TP63: variants seen among roughly 807,000 people sequenced by gnomAD.
The protein encoded by TP63 is tumor protein p63.
Under a neutral mutation model 82.8 loss-of-function variants are expected in TP63, and 17 were observed. That is an observed-to-expected ratio of 0.21 (90% CI 0.14 to 0.31). TP63 has a LOEUF of 0.31. Ranked by LOEUF, TP63 falls within the 10% of genes least tolerant of loss-of-function variation. The probability of loss-of-function intolerance (pLI) is 1.00; values close to 1 mark genes in which losing one functional copy is unlikely to be tolerated. For synonymous variants in TP63, 330 were observed against 321.7 expected (o/e 1.03, Z -0.28); for missense variants, 648 against 895.3 (o/e 0.72, Z 3.52).
chr3:189,800,490 G>GA lies in TP63; in HGVS notation c.325-7773dup, dbSNP rs1300826682. Among the ~76,000 whole-genome samples the GA allele has an allele frequency of 8.7e-4, 118 of 135,060 alleles. No individual in the cohort carries two copies. In the Middle Eastern group the frequency reaches 0.026, roughly 29 times the overall value. The allele number at this position is 135,060 out of a possible 152,430, so 88.6% of individuals were successfully genotyped here. ...CTTTAATGAGTAAAAAAAAAAAAAA[G>GA]AAAAAAAAAGCAAATAAAAGAGGTG... On this transcript the variant is annotated intron_variant, in intron 3 of 13. Coordinates refer to ENST00000264731, the MANE Select transcript of TP63 (RefSeq NM_003722.5).
chr3:189,826,217 G>C (rs1056289079), intron 4 of TP63, among the ~76,000 whole-genome samples: 3 of 152,154 alleles, frequency 2.0e-5, no homozygotes, highest in Non-Finnish European at 4.4e-5. Context: ...CTAAGGCAAG[G>C]ACAAATGTTA....
intron 3 of TP63, among the ~76,000 whole-genome samples, chr3:189,793,065 T>C (rs1725323407): frequency 6.6e-6 from 1 of 152,068 alleles, no homozygotes; most frequent in Non-Finnish European, 1.5e-5. Flanking sequence ...AAGCTGCATT[T>C]TTAATTAGTG....
intron 1 of TP63, among the ~76,000 whole-genome samples, chr3:189,654,014 C>A (rs1224443226): frequency 2.6e-5 from 4 of 152,076 alleles, no homozygotes; most frequent in African/African-American, 7.2e-5. Flanking sequence ...TTTAAAGATT[C>A]AAATAATGAC....
At chr3:189,600,806 T>C in the TP63 span, among the ~76,000 whole-genome samples, 2 of 152,212 alleles carry the variant, frequency 1.3e-5, no homozygotes, top group African/African-American at 2.4e-5. Context: ...CTTGTGATTA[T>C]ATATTTATAC....
At chr3:189,718,910 G>T (rs189916766) in intron 1 of TP63, among the ~76,000 whole-genome samples, 1 of 152,132 alleles carries the variant, frequency 6.6e-6, no homozygotes, top group Admixed American at 6.5e-5. Context: ...TTTTGGAGAG[G>T]GGTATATTTA....
the TP63 span, among the ~76,000 whole-genome samples, chr3:189,603,650 T>TA: frequency 2.8e-4 from 14 of 50,788 alleles, no homozygotes; most frequent in African/African-American, 7.3e-4. Context: ...TTGCCTTCAT[T>TA]AAAAAAAAAA....
chr3:189,885,667 T>A (rs913287697), intron 10 of TP63, among the ~76,000 whole-genome samples: 1 of 152,238 alleles, frequency 6.6e-6, no homozygotes, highest in African/African-American at 2.4e-5. Flanking sequence ...AAATTGAAGA[T>A]CATGCTGAAT....
chr3:189,827,156 G>A (rs1711544027), intron 4 of TP63, among the ~76,000 whole-genome samples: 1 of 152,172 alleles, frequency 6.6e-6, no homozygotes, highest in South Asian at 2.1e-4. Flanking sequence ...AGATAAGTTA[G>A]CCCTTTCTCA....
rs34401568 is a variant in TP63 at position 189,883,937 on chromosome 3, GA to G, written c.1350-2445del. On this transcript the variant is annotated intron_variant, in intron 10 of 13. Coordinates refer to ENST00000264731, the MANE Select transcript of TP63 (RefSeq NM_003722.5). ...AGAAGGAATTTACTCTGAGCGTCCA[GA>G]AAAAAAAAAAAGCAAAACTTTTAAA... Among the ~76,000 whole-genome samples, 357 of 143,980 alleles carry G rather than the reference GA, an allele frequency of 2.5e-3. 3 individuals are homozygous for G. The highest frequency in any genetic ancestry group is 0.02 in the East Asian group (100 of 4,990). 94.5% of individuals were successfully genotyped at this position (143,980 alleles called of 152,430 possible).
chr3:189,778,765 G>A (rs1035402864), intron 3 of TP63, among the ~76,000 whole-genome samples: 2 of 152,116 alleles, frequency 1.3e-5, no homozygotes, highest in Non-Finnish European at 1.5e-5. Flanking sequence ...CACCACTTAC[G>A]TTGTTATCAA....
intron 11 of TP63, among the ~76,000 whole-genome samples, chr3:189,886,856 A>C (rs1288075109): frequency 1.3e-5 from 2 of 152,162 alleles, no homozygotes; most frequent in African/African-American, 4.8e-5. Flanking sequence ...AGCCTTTGAA[A>C]TAGTCAAAAG....
At position 189,890,899 on chromosome 3, in the gene TP63, CTT is replaced by C; in HGVS notation, c.1746+20_1746+21del. 6.2e-7 allele frequency: 1 copy of C among 1,607,988 alleles called. No homozygotes were observed. The highest frequency in any genetic ancestry group is 8.5e-7 in the Non-Finnish European group (1 of 1,174,924). On this transcript the variant is annotated intron_variant, in intron 13 of 13. Coordinates refer to ENST00000264731, the MANE Select transcript of TP63 (RefSeq NM_003722.5). ...TCCATGGATGTAAGTAACTGTTAGACTTTTCTCAAATTTTATTTCTTCATTTC... is the reference window on the plus strand; with the variant it reads ...TCCATGGATGTAAGTAACTGTTAGACTTCTCAAATTTTATTTCTTCATTTC...
intron 1 of TP63, among the ~76,000 whole-genome samples, chr3:189,718,950 A>G (rs545788869): frequency 4.6e-5 from 7 of 152,334 alleles, no homozygotes; most frequent in African/African-American, 1.4e-4. Flanking sequence ...GAATATGTGA[A>G]GAACATAAAG....
rs75963451 is a variant in TP63 at position 189,824,834 on chromosome 3, T to TA, written c.579+16325dup. ...GGCCCAGGCATCGGTTTTGTAGGTT[T>TA]AAAAAAAAAAAAAAAAAGACATGGG... is the stretch of plus-strand genomic sequence containing the variant. On this transcript the variant is annotated intron_variant, in intron 4 of 13. Coordinates refer to ENST00000264731, the MANE Select transcript of TP63 (RefSeq NM_003722.5). 2.9e-3 allele frequency among the ~76,000 whole-genome samples: 403 copies of TA among 138,758 alleles called. 1 individual carries two copies. Among genetic ancestry groups the TA allele is most frequent in the African/African-American group, 7.7e-3 (287 of 37,158 alleles). 91.0% of individuals were successfully genotyped at this position (138,758 alleles called of 152,430 possible). A position where few individuals can be genotyped will look rare whatever the true frequency, so the allele number is the denominator to read the frequency against.
chr3:189,705,422 C>G (rs552253210), intron 1 of TP63, among the ~76,000 whole-genome samples: 1 of 152,112 alleles, frequency 6.6e-6, no homozygotes, highest in South Asian at 2.1e-4. Flanking sequence ...CATTCTTATT[C>G]TTTTTTCATT....
chr3:189,867,704 G>A lies in TP63; in HGVS notation c.883-129G>A. ...AGAAAAATCTACAACAGGGTTCAGA[G>A]TTTGCCCTTTTAGGAGGAAGCGTAT... On this transcript the variant is annotated intron_variant, in intron 6 of 13. Transcript: ENST00000264731. The A allele has an allele frequency of 4.7e-6, 4 of 847,294 alleles. No homozygotes were observed. In the South Asian group the frequency reaches 5.8e-5, roughly 12 times the overall value. 52.5% of individuals were successfully genotyped at this position (847,294 alleles called of 1,614,324 possible).
At chr3:189,822,033 G>T (rs1728845098) in intron 4 of TP63, among the ~76,000 whole-genome samples, 2 of 152,162 alleles carry the variant, frequency 1.3e-5, no homozygotes, top group South Asian at 4.1e-4. Flanking sequence ...GACCTGGGGG[G>T]TTGAATTTCA....
At chr3:189,835,673 C>T (rs1002699539) in intron 4 of TP63, among the ~76,000 whole-genome samples, 1 of 151,734 alleles carries the variant, frequency 6.6e-6, no homozygotes, top group African/African-American at 2.4e-5. Context: ...CCTGTAATCC[C>T]AGCACTTTGG....
At chr3:189,638,852 A>G (rs1395237570) in intron 1 of TP63, among the ~76,000 whole-genome samples, 1 of 152,140 alleles carries the variant, frequency 6.6e-6, no homozygotes, top group East Asian at 1.9e-4. Flanking sequence ...GACACTCCAG[A>G]TGATTCGTTG....
Sources: gnomAD v4.1 joint callset for allele counts (sites outside exome capture counted in the v4.1 genomes callset) on GRCh38, gnomAD v4.1.1 for gene constraint, MANE v1.5 for transcripts, NCBI Gene and HGNC (gene_info 2026-07-23, HGNC 2026-07-21) for gene names.